Variants in LUZP2 observed in about 807,000 individuals in gnomAD.
The protein encoded by LUZP2 is leucine zipper protein 2.
Under a neutral mutation model 51.6 loss-of-function variants are expected in LUZP2, and 52 were observed. The ratio of observed to expected loss-of-function variants is 1.01; its 90% CI spans 0.81 to 1.27. The LOEUF (loss-of-function observed/expected upper bound fraction) is 1.27. Ranked by LOEUF, LUZP2 falls within the 50% of genes most tolerant of loss-of-function variation. The pLI, the probability that LUZP2 is intolerant of heterozygous loss-of-function variation, is 0.00. For missense variants in LUZP2, 436 were observed against 395.4 expected (o/e 1.10, Z -0.87); for synonymous variants, 154 against 137.3 (o/e 1.12, Z -0.85).
chr11:24,849,650 A>T (rs1360076232), intron 5 of LUZP2, among the ~76,000 whole-genome samples: 8 of 152,064 alleles, frequency 5.3e-5, no homozygotes, highest in African/African-American at 1.9e-4. Context: ...TATAATTGGG[A>T]TTGCTGGGTA....
intron 1 of LUZP2, among the ~76,000 whole-genome samples, chr11:24,728,658 A>G (rs1351681500): frequency 6.6e-6 from 1 of 152,044 alleles, no homozygotes; most frequent in East Asian, 1.9e-4. Flanking sequence ...TTCTGAAATG[A>G]GTAGTCATTT....
At chr11:25,012,228 A>G (rs1345855835) in intron 9 of LUZP2, among the ~76,000 whole-genome samples, 1 of 152,156 alleles carries the variant, frequency 6.6e-6, no homozygotes, top group Non-Finnish European at 1.5e-5. Context: ...CTTAGTCTCT[A>G]CATCTTTATG....
At chr11:24,524,836 C>G (rs969760741) in intron 1 of LUZP2, among the ~76,000 whole-genome samples, 1 of 151,672 alleles carries the variant, frequency 6.6e-6, no homozygotes, top group Non-Finnish European at 1.5e-5. Flanking sequence ...ACTACTTCCA[C>G]TTCCTCTCTG....
intron 7 of LUZP2, among the ~76,000 whole-genome samples, chr11:24,948,852 T>G (rs546780318): frequency 2.7e-5 from 4 of 150,680 alleles, no homozygotes; most frequent in Non-Finnish European, 5.9e-5. Context: ...TCTATCTATC[T>G]ATCTATCTAT....
intron 1 of LUZP2, among the ~76,000 whole-genome samples, chr11:24,528,671 T>C (rs1463674001): frequency 2.6e-5 from 4 of 151,180 alleles, no homozygotes; most frequent in Non-Finnish European, 5.9e-5. Flanking sequence ...CTGATCATTT[T>C]CTATGGAGTG....
rs887034401 is a variant in LUZP2 at position 24,881,748 on chromosome 11, A to G, written c.397-24243A>G. On this transcript the variant is annotated intron_variant, in intron 5 of 11. Coordinates refer to ENST00000336930, the MANE Select transcript of LUZP2 (RefSeq NM_001009909.4). ...GTCATGATATTTTCAATAAAATGAA[A>G]TATTTTTACAAGTGTAATATTAAAA... Among the ~76,000 whole-genome samples, 187 of 152,202 alleles carry G rather than the reference A, an allele frequency of 1.2e-3. 3 individuals are homozygous for G. The highest frequency in any genetic ancestry group is 4.3e-3 in the African/African-American group (177 of 41,528).
At chr11:24,797,417 AT>A (rs1391607679) in intron 5 of LUZP2, among the ~76,000 whole-genome samples, 21 of 152,274 alleles carry the variant, frequency 1.4e-4, no homozygotes, top group African/African-American at 5.1e-4. Flanking sequence ...ATTTGCTTTT[AT>A]GTCAATAATC....
chr11:24,926,361 G>GTA (rs768484680), intron 7 of LUZP2, among the ~76,000 whole-genome samples: 1 of 57,384 alleles, frequency 1.7e-5, no homozygotes, highest in African/African-American at 7.3e-5. Context: ...ATATACGTGT[G>GTA]TATATATATA....
At chr11:24,854,489 A>G (rs1041837224) in intron 5 of LUZP2, among the ~76,000 whole-genome samples, 27 of 152,216 alleles carry the variant, frequency 1.8e-4, no homozygotes, top group African/African-American at 6.3e-4. Flanking sequence ...TGAGCATACC[A>G]GGTTGTCTTC....
intron 5 of LUZP2, among the ~76,000 whole-genome samples, chr11:24,773,360 C>T (rs61878262): frequency 0.046 from 6,929 of 151,938 alleles, 223 homozygotes; most frequent in Non-Finnish European, 0.068. Flanking sequence ...CTCCTTGGTT[C>T]TTGTCTAACT....
chr11:24,671,610 T>C (rs1856404125), intron 1 of LUZP2, among the ~76,000 whole-genome samples: 1 of 151,824 alleles, frequency 6.6e-6, no homozygotes, highest in Admixed American at 6.6e-5. Flanking sequence ...ATATTTCAGA[T>C]ATTTGTTACT....
chr11:24,868,889 GCTT>G (rs1214451602), intron 5 of LUZP2, among the ~76,000 whole-genome samples: 1 of 152,100 alleles, frequency 6.6e-6, no homozygotes, highest in East Asian at 1.9e-4. Flanking sequence ...CCTGATCAAA[GCTT>G]CTTCCTATAT....
chr11:24,720,941 C>T (rs912117145), intron 1 of LUZP2, among the ~76,000 whole-genome samples: 1 of 152,166 alleles, frequency 6.6e-6, no homozygotes, highest in Non-Finnish European at 1.5e-5. Flanking sequence ...TCCGCCTCGG[C>T]CTCCCAAAGT....
At chr11:24,922,210 A>G (rs1025374672) in intron 7 of LUZP2, among the ~76,000 whole-genome samples, 1 of 152,156 alleles carries the variant, frequency 6.6e-6, no homozygotes, top group Admixed American at 6.5e-5. Flanking sequence ...GTGGTGATAG[A>G]CTAGATGCAC....
chr11:25,002,511 T>C (rs1365125933), intron 9 of LUZP2, among the ~76,000 whole-genome samples: 1 of 152,140 alleles, frequency 6.6e-6, no homozygotes, highest in African/African-American at 2.4e-5. Context: ...ATCCATAAAC[T>C]TCCTTTGGCA....
chr11:24,840,049 C>T (rs1322091271), intron 5 of LUZP2, among the ~76,000 whole-genome samples: 2 of 151,636 alleles, frequency 1.3e-5, no homozygotes, highest in Non-Finnish European at 3.0e-5. Flanking sequence ...GTAAATAATA[C>T]AAAATTTTTT....
At position 24,763,248 on chromosome 11, in the gene LUZP2, TA is replaced by T; in HGVS notation, c.338del (p.Asn113IlefsTer3). On this transcript the variant is annotated frameshift_variant, in exon 5 of 12. Coordinates refer to ENST00000336930, the MANE Select transcript of LUZP2 (RefSeq NM_001009909.4). LOFTEE classifies it high-confidence loss of function. ...EKAEKHQATI[N>X]FLKTEVERKS... Reference sequence around the variant, plus strand: ...CATAATAGTCTATTCATTTTCAGATTAATTTTTTAAAGACTGAAGTTGAAAG... The same window carrying T: ...CATAATAGTCTATTCATTTTCAGATTATTTTTTAAAGACTGAAGTTGAAAG... The T allele has an allele frequency of 7.3e-7, 1 of 1,364,900 alleles. No homozygotes were observed. The highest frequency in any genetic ancestry group is 9.8e-7 in the Non-Finnish European group (1 of 1,022,518). 84.5% of individuals were successfully genotyped at this position (1,364,900 alleles called of 1,614,324 possible).
chr11:24,947,146 A>T (rs555521493), intron 7 of LUZP2, among the ~76,000 whole-genome samples: 1 of 152,156 alleles, frequency 6.6e-6, no homozygotes, highest in South Asian at 2.1e-4. Context: ...TATATTTTGT[A>T]TATTACATGT....
At chr11:24,584,851 G>A (rs1853005434) in intron 1 of LUZP2, among the ~76,000 whole-genome samples, 2 of 152,138 alleles carry the variant, frequency 1.3e-5, no homozygotes, top group African/African-American at 4.8e-5. Flanking sequence ...TAACTGGCCA[G>A]CAACCTCACA....
Sources: gnomAD v4.1 joint callset for allele counts (sites outside exome capture counted in the v4.1 genomes callset) on GRCh38, gnomAD v4.1.1 for gene constraint, MANE v1.5 for transcripts, NCBI Gene and HGNC (gene_info 2026-07-23, HGNC 2026-07-21) for gene names.